SENP5: variants seen among roughly 807,000 people sequenced by gnomAD.
SENP5 encodes SUMO specific peptidase 5.
A neutral mutation model predicts 74.2 loss-of-function variants in SENP5; 21 were observed. That is an observed-to-expected ratio of 0.28 (90% CI 0.20 to 0.41). The LOEUF is 0.41. Ranked by LOEUF, SENP5 falls within the 10% of genes least tolerant of loss-of-function variation. The pLI is 1.00. For missense variants in SENP5, 717 were observed against 889.1 expected, an observed-to-expected ratio of 0.81 and a Z score of 2.46; for synonymous variants, 311 against 312.7, an observed-to-expected ratio of 0.99 and a Z score of 0.06.
intron 6 of SENP5, among the ~76,000 whole-genome samples, chr3:196,909,873 A>G (rs554231466): frequency 6.6e-6 from 1 of 152,312 alleles, no homozygotes; most frequent in South Asian, 2.1e-4. Flanking sequence ...CATCACTTCT[A>G]TTCAACATAA....
intron 6 of SENP5, among the ~76,000 whole-genome samples, chr3:196,917,950 T>C (rs1715449978): frequency 6.6e-6 from 1 of 152,164 alleles, no homozygotes; most frequent in Non-Finnish European, 1.5e-5. Flanking sequence ...ATATTTTGAG[T>C]AGGAAGACTA....
In SENP5 at chr3:196,900,026, G is replaced by A. The variant is rs1272653732; in HGVS notation, c.1722G>A (p.Leu574=). ...AACACATGCTGGATATGGACGACCT[G>A]GCGACTCTGGATGGTCAGAACTGGC... ...YNKHMLDMDD[L]ATLDGQNWLN... The change falls in exon 4 of 10, where the codon CTG becomes CTA. Residue 574 remains leucine (L), a synonymous_variant. Coordinates refer to ENST00000323460, the MANE Select transcript of SENP5 (RefSeq NM_152699.5). 6.2e-7 allele frequency: 1 copy of A among 1,614,044 alleles called. No homozygotes were observed. Among genetic ancestry groups the A allele is most frequent in the Non-Finnish European group, 8.5e-7 (1 of 1,180,002 alleles).
intron 1 of SENP5, among the ~76,000 whole-genome samples, chr3:196,877,126 T>C (rs1713510903): frequency 6.6e-6 from 1 of 152,110 alleles, no homozygotes; most frequent in Non-Finnish European, 1.5e-5. Flanking sequence ...TCAAGACCAG[T>C]CTGGGCAACA....
At chr3:196,914,580 A>ATAT (rs1346805512) in intron 6 of SENP5, 34 of 70,144 alleles carry the variant, frequency 4.8e-4, no homozygotes, top group African/African-American at 1.8e-3. Flanking sequence ...AAAAAAAAAA[A>ATAT]AAAAAAATAT....
rs544104732 is a variant in SENP5 at position 196,879,004 on chromosome 3, A to G, written c.-31-6147A>G. On this transcript the variant is annotated intron_variant, in intron 1 of 9. Coordinates refer to ENST00000323460, the MANE Select transcript of SENP5 (RefSeq NM_152699.5). Reference sequence around the variant, plus strand: ...CTGTTCCCCACGTCTGTGTACTTGCATACTTCTTATCTTCCCTCCAAGATA... The same window carrying G: ...CTGTTCCCCACGTCTGTGTACTTGCGTACTTCTTATCTTCCCTCCAAGATA... Among the ~76,000 whole-genome samples the G allele has an allele frequency of 2.6e-5, 4 of 152,288 alleles. No individual in the cohort carries two copies. In the South Asian group the frequency reaches 8.3e-4, roughly 32 times the overall value.
At chr3:196,893,143 A>G (rs1298751511) in intron 2 of SENP5, among the ~76,000 whole-genome samples, 1 of 152,176 alleles carries the variant, frequency 6.6e-6, no homozygotes, top group Non-Finnish European at 1.5e-5. Flanking sequence ...GTGCTAATTC[A>G]CATTCCCACC....
intron 1 of SENP5, among the ~76,000 whole-genome samples, chr3:196,882,292 A>G (rs1236840599): frequency 2.0e-5 from 3 of 152,072 alleles, no homozygotes; most frequent in Admixed American, 6.6e-5. Context: ...ATTAAAGTAC[A>G]TTCGCATTGC....
At chr3:196,888,001 C>G (rs1004604368) in intron 2 of SENP5, among the ~76,000 whole-genome samples, 2 of 152,216 alleles carry the variant, frequency 1.3e-5, no homozygotes, top group Middle Eastern at 6.8e-3. Flanking sequence ...CTCCTGAGCT[C>G]AGGCAATCTG....
At chr3:196,891,586 C>T (rs1199674411) in intron 2 of SENP5, among the ~76,000 whole-genome samples, 2 of 151,906 alleles carry the variant, frequency 1.3e-5, no homozygotes, top group Admixed American at 6.6e-5. Context: ...GGCAACATAG[C>T]GATATAAATA....
Position 196,899,961 on chromosome 3 carries a change from G to A in SENP5, c.1657G>A (p.Ala553Thr), listed in dbSNP as rs759070979. Residue 553 changes from alanine (A) to threonine (T), a missense_variant, in exon 4 of 10, where the codon GCC (alanine) becomes ACC (threonine). This residue lies in a region of SENP5 where 64 missense variants were observed against 100.8 expected (regional missense o/e 0.64). Coordinates refer to ENST00000323460, the MANE Select transcript of SENP5 (RefSeq NM_152699.5). ...CAATAGGGAAATAACAAACTATCGG[G>A]CCAGACATCAAAAATGTAACTTCCG... ...FINREITNYRARHQKCNFRIF... is the reference protein window; with the variant it reads ...FINREITNYRTRHQKCNFRIF... The A allele has an allele frequency of 2.5e-6, 4 of 1,613,906 alleles. No individual in the cohort carries two copies. The highest frequency in any genetic ancestry group is 2.2e-5 in the South Asian group (2 of 91,050).
intron 1 of SENP5, among the ~76,000 whole-genome samples, chr3:196,879,896 TAC>T (rs767190408): frequency 1.3e-5 from 2 of 152,322 alleles, no homozygotes. Context: ...TGCAAAATAT[TAC>T]AGTTTTTCTA....
chr3:196,908,067 G>A (rs1392322221), intron 6 of SENP5, among the ~76,000 whole-genome samples: 1 of 152,078 alleles, frequency 6.6e-6, no homozygotes, highest in Non-Finnish European at 1.5e-5. Flanking sequence ...GATTGCTTGA[G>A]CCCAAGAGTT....
At chr3:196,885,053 ACT>A (rs1713892127) in intron 1 of SENP5, 96 bp from the exon 2 acceptor site, 7 of 676,438 alleles carry the variant, frequency 1.0e-5, no homozygotes, top group African/African-American at 3.7e-5. Context: ...AAGTATATGT[ACT>A]CTTTTTTTTT....
intron 7 of SENP5, among the ~76,000 whole-genome samples, chr3:196,925,242 T>A (rs1715770527): frequency 6.6e-6 from 1 of 152,088 alleles, no homozygotes; most frequent in Admixed American, 6.6e-5. Context: ...TTAAGTATAA[T>A]GCAAACTATG....
At chr3:196,929,492 T>C (rs757771359) in intron 8 of SENP5, 141 bp from the exon 9 acceptor site, 70 of 565,334 alleles carry the variant, frequency 1.2e-4, no homozygotes, top group Non-Finnish European at 2.1e-4. Flanking sequence ...TAAAATTAGA[T>C]GCTTGAGATA....
Position 196,885,478 on chromosome 3 carries a change from G to C in SENP5, c.297G>C (p.Lys99Asn). The change falls in exon 2 of 10, where the codon AAG becomes AAC. Residue 99 changes from lysine (K) to asparagine (N), a missense_variant. Coordinates refer to ENST00000323460, the MANE Select transcript of SENP5 (RefSeq NM_152699.5). ...CTTTGTCCTCTAAAGTGAAAAGAAA[G>C]GACGCTAAACACTTCATTTCCTCCT... Reference protein sequence around the residue: ...VSTLSSKVKRKDAKHFISSSK... With the variant: ...VSTLSSKVKRNDAKHFISSSK... 6.2e-7 allele frequency: 1 copy of C among 1,614,064 alleles called. No individual in the cohort carries two copies. The highest frequency in any genetic ancestry group is 8.5e-7 in the Non-Finnish European group (1 of 1,180,018).
At chr3:196,921,691 C>A (rs1349988998) in intron 6 of SENP5, among the ~76,000 whole-genome samples, 1 of 151,954 alleles carries the variant, frequency 6.6e-6, no homozygotes, top group Non-Finnish European at 1.5e-5. Context: ...TCCTTCTACC[C>A]ACCTCACTCC....
rs1716142820 is a variant in SENP5, at chr3:196,933,901, C to CTAA, written c.*2979_*2981dup. On this transcript the variant is annotated 3_prime_UTR_variant, in exon 10 of 10. Coordinates refer to ENST00000323460, the MANE Select transcript of SENP5 (RefSeq NM_152699.5). ...ACAGGCATGAGCTACCGTGCCTGGC[C>CTAA]TAAACCTTACGCTTTTGAGGTTGAG... 6.6e-6 allele frequency: 1 copy of CTAA among 152,244 alleles called. No homozygotes were observed. The highest frequency in any genetic ancestry group is 1.5e-5 in the Non-Finnish European group (1 of 68,062). 9.4% of individuals were successfully genotyped at this position (152,244 alleles called of 1,614,324 possible). A position where few individuals can be genotyped will look rare whatever the true frequency, so the allele number is the denominator to read the frequency against.
At chr3:196,917,165 C>G (rs1480474235) in intron 6 of SENP5, among the ~76,000 whole-genome samples, 1 of 151,910 alleles carries the variant, frequency 6.6e-6, no homozygotes, top group East Asian at 1.9e-4. Context: ...ACACAAAAAA[C>G]AAATTCTGGA....
Sources: gnomAD v4.1 joint callset for allele counts (sites outside exome capture counted in the v4.1 genomes callset) on GRCh38, gnomAD v4.1.1 for gene constraint, gnomAD v4.1.1 regional missense constraint, MANE v1.5 for transcripts, NCBI Gene and HGNC (gene_info 2026-07-23, HGNC 2026-07-21) for gene names.